Variants in MNAT1 observed in about 807,000 individuals in gnomAD.
MNAT1 encodes the protein MNAT1 component of CDK activating kinase, also known as CDK-activating kinase assembly factor MAT1.
Under a neutral mutation model 42.0 loss-of-function variants are expected in MNAT1, and 43 were observed. That is an observed-to-expected ratio of 1.02 (90% CI 0.80 to 1.32). The LOEUF is 1.32. Ranked by LOEUF, MNAT1 falls within the 40% of genes most tolerant of loss-of-function variation. The probability of loss-of-function intolerance (pLI) is 0.00; values close to 1 mark genes in which losing one functional copy is unlikely to be tolerated. For missense variants in MNAT1, 306 were observed against 350.4 expected (o/e 0.87, Z 1.01); for synonymous variants, 118 against 120.0 (o/e 0.98, Z 0.11).
intron 7 of MNAT1, among the ~76,000 whole-genome samples, chr14:60,914,004 C>T (rs2035452273): frequency 6.6e-6 from 1 of 152,214 alleles, no homozygotes; most frequent in African/African-American, 2.4e-5. Context: ...CTTTGTTTAC[C>T]TACTCAAGCC....
chr14:60,827,390 T>G (rs914572244), intron 6 of MNAT1, among the ~76,000 whole-genome samples: 2 of 152,174 alleles, frequency 1.3e-5, no homozygotes, highest in Non-Finnish European at 2.9e-5. Context: ...GTGCAACAGA[T>G]AGTATTTAGC....
chr14:60,786,067 T>C (rs945510479), intron 1 of MNAT1, among the ~76,000 whole-genome samples: 16 of 151,266 alleles, frequency 1.1e-4, no homozygotes, highest in African/African-American at 2.9e-4. Flanking sequence ...CTCTAAGAAA[T>C]AGAAACAAAA....
In MNAT1 at chr14:60,879,825, G is replaced by C. The variant is rs2034513523; in HGVS notation, c.799G>C (p.Gly267Arg). ...ACATGTTCCTGAGCTTGAGATGCTA[G>C]GAAGACTTGGGTATGTGTCCTAAAG... Reference protein sequence around the residue: ...GPHVPELEMLGRLGYLNHVRA... With the variant: ...GPHVPELEMLRRLGYLNHVRA... The change falls in exon 7 of 8, where the codon GGA becomes CGA. Residue 267 changes from glycine (G) to arginine (R), a missense_variant. Physicochemically the swap from Gly to Arg is moderately radical, Grantham distance 125 (BLOSUM62 -2). Transcript: ENST00000261245. 1.9e-6 allele frequency: 3 copies of C among 1,612,518 alleles called. No homozygotes were observed. The highest frequency in any genetic ancestry group is 2.5e-6 in the Non-Finnish European group (3 of 1,179,174).
At chr14:60,880,758 A>T (rs552983166) in intron 7 of MNAT1, among the ~76,000 whole-genome samples, 1 of 152,188 alleles carries the variant, frequency 6.6e-6, no homozygotes, top group Admixed American at 6.5e-5. Context: ...CATTTAAATG[A>T]TATTTAATAT....
chr14:60,803,910 A>G (rs1039342038), intron 3 of MNAT1, among the ~76,000 whole-genome samples: 8 of 152,218 alleles, frequency 5.3e-5, no homozygotes, highest in Admixed American at 5.2e-4. Flanking sequence ...GGCATTAACA[A>G]TAGACTCTTT....
At chr14:60,770,928 A>G (rs1350757208) in intron 1 of MNAT1, among the ~76,000 whole-genome samples, 1 of 152,052 alleles carries the variant, frequency 6.6e-6, no homozygotes, top group Non-Finnish European at 1.5e-5. Context: ...CATTTTATTT[A>G]TCCATTCTGC....
intron 6 of MNAT1, among the ~76,000 whole-genome samples, chr14:60,830,064 A>G (rs1022125606): frequency 6.6e-6 from 1 of 152,230 alleles, no homozygotes; most frequent in African/African-American, 2.4e-5. Context: ...CGTGAAAACT[A>G]TCCTGTAGGG....
intron 1 of MNAT1, among the ~76,000 whole-genome samples, chr14:60,762,120 G>A (rs556752659): frequency 2.0e-4 from 31 of 152,006 alleles, no homozygotes; most frequent in African/African-American, 6.8e-4. Context: ...TCAATCATCT[G>A]CTCTTTTAAC....
chr14:60,947,080 C>G (rs971990687), intron 7 of MNAT1, among the ~76,000 whole-genome samples: 1 of 152,062 alleles, frequency 6.6e-6, no homozygotes, highest in Admixed American at 6.6e-5. Context: ...TCACAAAGAC[C>G]CCATTTCCAA....
intron 7 of MNAT1, among the ~76,000 whole-genome samples, chr14:60,894,645 C>T (rs1301300834): frequency 6.6e-6 from 1 of 151,836 alleles, no homozygotes; most frequent in Non-Finnish European, 1.5e-5. Flanking sequence ...TCATACTTAA[C>T]ATCTGATTTG....
chr14:60,912,318 T>C (rs2139529891), intron 7 of MNAT1, among the ~76,000 whole-genome samples: 1 of 152,216 alleles, frequency 6.6e-6, no homozygotes, highest in East Asian at 1.9e-4. Flanking sequence ...TTAGCCCATT[T>C]ACATTTAAGG....
chr14:60,748,461 G>A lies in MNAT1; in HGVS notation c.89+13510G>A, dbSNP rs568514272. On this transcript the variant is annotated intron_variant, in intron 1 of 7. Coordinates refer to ENST00000261245, the MANE Select transcript of MNAT1 (RefSeq NM_002431.4). ...GCCCAGGCTGGTCTTGAACTCCTGG[G>A]CTCAAGTGATCCTCTCGCCTTGGCC... Among the ~76,000 whole-genome samples the A allele has an allele frequency of 1.8e-4, 28 of 152,266 alleles. 1 individual carries two copies. In the South Asian group the frequency reaches 4.2e-3, roughly 23 times the overall value.
At chr14:60,763,310 T>C (rs2030686402) in intron 1 of MNAT1, among the ~76,000 whole-genome samples, 1 of 152,196 alleles carries the variant, frequency 6.6e-6, no homozygotes, top group Non-Finnish European at 1.5e-5. Flanking sequence ...AGCTACAACC[T>C]ATATCATTTT....
intron 7 of MNAT1, among the ~76,000 whole-genome samples, chr14:60,922,409 C>T (rs987999617): frequency 5.9e-5 from 9 of 151,990 alleles, no homozygotes; most frequent in African/African-American, 1.2e-4. Context: ...CATTTTTATT[C>T]GGTTAAAATT....
intron 1 of MNAT1, among the ~76,000 whole-genome samples, chr14:60,760,513 A>G (rs1202359076): frequency 6.6e-6 from 1 of 152,238 alleles, no homozygotes; most frequent in Non-Finnish European, 1.5e-5. Flanking sequence ...ATATGATTGT[A>G]AGAATACAGA....
At chr14:60,890,020 A>G (rs1044200798) in intron 7 of MNAT1, among the ~76,000 whole-genome samples, 2 of 152,246 alleles carry the variant, frequency 1.3e-5, no homozygotes, top group African/African-American at 4.8e-5. Context: ...AAACCAGTTC[A>G]ACCATTGTGG....
intron 1 of MNAT1, among the ~76,000 whole-genome samples, chr14:60,765,022 G>C (rs1398050376): frequency 6.6e-6 from 1 of 152,088 alleles, no homozygotes; most frequent in East Asian, 1.9e-4. Flanking sequence ...AGGCTGAGGC[G>C]GGTGGATCAC....
chr14:60,903,463 A>C (rs2139509901), intron 7 of MNAT1, among the ~76,000 whole-genome samples: 1 of 152,312 alleles, frequency 6.6e-6, no homozygotes, highest in Admixed American at 6.5e-5. Context: ...TAATACTTTA[A>C]AAATCTTAAC....
intron 6 of MNAT1, among the ~76,000 whole-genome samples, chr14:60,855,514 T>G (rs573265372): frequency 6.6e-6 from 1 of 152,294 alleles, no homozygotes; most frequent in East Asian, 1.9e-4. Context: ...GTATCTGGGC[T>G]GGATAGCACA....
Sources: allele counts gnomAD v4.1 joint callset (sites outside exome capture counted in the v4.1 genomes callset), GRCh38; gene constraint gnomAD v4.1.1; transcripts MANE v1.5; gene names NCBI Gene and HGNC (gene_info 2026-07-23, HGNC 2026-07-21).